Variants in TTC28 observed in about 807,000 individuals in gnomAD.
TTC28 encodes the protein tetratricopeptide repeat protein 28.
Under a neutral mutation model 198.0 loss-of-function variants are expected in TTC28, and 61 were observed. The observed-to-expected ratio is 0.31, with a 90% CI of 0.25 to 0.38. The LOEUF is 0.38. TTC28 is among the 10% of genes least tolerant of loss of function. The pLI is 1.00. For missense variants in TTC28, 2,678 were observed against 3,164.0 expected (o/e 0.85, Z 3.69); for synonymous variants, 1,171 against 1,297.8 (o/e 0.90, Z 2.10).
intron 12 of TTC28, among the ~76,000 whole-genome samples, chr22:28,062,539 A>T (rs1306561534): frequency 6.7e-6 from 1 of 149,660 alleles, no homozygotes; most frequent in Non-Finnish European, 1.5e-5. Flanking sequence ...ATGCCATCGT[A>T]GCTCACTGTA....
At chr22:28,363,862 A>T (rs937018287) in intron 2 of TTC28, among the ~76,000 whole-genome samples, 18 of 152,174 alleles carry the variant, frequency 1.2e-4, no homozygotes, top group African/African-American at 4.3e-4. Context: ...GAATGGCTGT[A>T]TTTTACCCAA....
intron 2 of TTC28, among the ~76,000 whole-genome samples, chr22:28,594,762 T>A (rs1372758607): frequency 6.6e-6 from 1 of 152,144 alleles, no homozygotes; most frequent in Non-Finnish European, 1.5e-5. Flanking sequence ...AATAGAATTC[T>A]ATAGGAAAAG....
At chr22:28,243,174 C>CCAAAAAAAAAAAAAAAAAA (rs1929790850) in intron 5 of TTC28, among the ~76,000 whole-genome samples, 1 of 68,320 alleles carries the variant, frequency 1.5e-5, no homozygotes, top group Non-Finnish European at 2.6e-5. Flanking sequence ...CCCCTCTCTA[C>CCAAAAAAAAAAAAAAAAAA]AAAAAAAAAA....
At chr22:28,122,103 A>G (rs781053011) in intron 6 of TTC28, among the ~76,000 whole-genome samples, 4 of 152,164 alleles carry the variant, frequency 2.6e-5, no homozygotes, top group Non-Finnish European at 5.9e-5. Context: ...CCTGACCTCA[A>G]GTGATCCGCC....
At chr22:28,081,016 G>A (rs1569126118) in intron 12 of TTC28, among the ~76,000 whole-genome samples, 1 of 151,612 alleles carries the variant, frequency 6.6e-6, no homozygotes, top group Non-Finnish European at 1.5e-5. Context: ...TTTATTTCTG[G>A]GCTATTTATT....
intron 2 of TTC28, among the ~76,000 whole-genome samples, chr22:28,430,127 G>A (rs1157913233): frequency 6.8e-6 from 1 of 146,314 alleles, no homozygotes; most frequent in Non-Finnish European, 1.5e-5. Flanking sequence ...CAGATGTAGT[G>A]AAAAGCTGTA....
At chr22:28,600,525 T>G (rs959417649) in intron 2 of TTC28, among the ~76,000 whole-genome samples, 4 of 152,332 alleles carry the variant, frequency 2.6e-5, no homozygotes, top group Admixed American at 2.0e-4. Context: ...AGCTGAACAC[T>G]TAACATTCTT....
At chr22:28,471,190 C>G (rs2048092583) in intron 2 of TTC28, among the ~76,000 whole-genome samples, 1 of 152,142 alleles carries the variant, frequency 6.6e-6, no homozygotes, top group African/African-American at 2.4e-5. Context: ...TAACAGTATG[C>G]AGAACAACTC....
At position 28,062,613 on chromosome 22, in the gene TTC28, C is replaced by T. The variant is rs140932315; in HGVS notation, c.3932+31467G>A. Among the ~76,000 whole-genome samples, 207 of 152,004 alleles carry T rather than the reference C, an allele frequency of 1.4e-3. 1 individual carries two copies. In the East Asian group the frequency reaches 0.017, roughly 13 times the overall value. On this transcript the variant is annotated intron_variant, in intron 12 of 22. Coordinates refer to ENST00000397906, the MANE Select transcript of TTC28 (RefSeq NM_001145418.2). The stretch of plus-strand genomic sequence containing the variant: ...CCTCCCAAGAAGCTGAGAATGCAGA[C>T]GCAAGCCACTGTACTTGGCCCGAGA...
At chr22:28,057,761 T>A (rs1284712207) in intron 12 of TTC28, among the ~76,000 whole-genome samples, 1 of 152,176 alleles carries the variant, frequency 6.6e-6, no homozygotes, top group African/African-American at 2.4e-5. Context: ...CATCTTGAAT[T>A]GATTTTTGTG....
intron 12 of TTC28, among the ~76,000 whole-genome samples, chr22:28,043,750 G>C (rs919987562): frequency 6.6e-6 from 1 of 152,106 alleles, no homozygotes; most frequent in African/African-American, 2.4e-5. Flanking sequence ...GGAGAGGATG[G>C]GCAGGGCGGA....
intron 9 of TTC28, among the ~76,000 whole-genome samples, chr22:28,100,237 G>A (rs375291135): frequency 2.0e-5 from 3 of 152,136 alleles, no homozygotes; most frequent in South Asian, 2.1e-4. Flanking sequence ...ACATAGACCC[G>A]GAGAGCGCTA....
intron 2 of TTC28, among the ~76,000 whole-genome samples, chr22:28,577,146 C>T (rs1365693780): frequency 6.6e-6 from 1 of 151,936 alleles, no homozygotes. Flanking sequence ...TTGCTGTATC[C>T]CAGAGACAAT....
intron 2 of TTC28, among the ~76,000 whole-genome samples, chr22:28,547,720 A>G (rs2049575052): frequency 6.6e-6 from 1 of 151,922 alleles, no homozygotes; most frequent in Non-Finnish European, 1.5e-5. Context: ...TAATGATATG[A>G]TGCAATATTC....
chr22:28,407,497 G>A (rs1334824950), intron 2 of TTC28, among the ~76,000 whole-genome samples: 1 of 146,622 alleles, frequency 6.8e-6, no homozygotes. Context: ...CACACACACA[G>A]TAATGCCTTA....
intron 8 of TTC28, among the ~76,000 whole-genome samples, chr22:28,101,782 TAAAAAAAAA>T (rs11459818): frequency 1.7e-4 from 9 of 53,128 alleles, no homozygotes; most frequent in Middle Eastern, 0.018. Context: ...CCATCTCTGT[TAAAAAAAAA>T]AAAAAAAAAA....
intron 2 of TTC28, among the ~76,000 whole-genome samples, chr22:28,530,286 G>A (rs1340792636): frequency 2.0e-5 from 3 of 152,232 alleles, no homozygotes; most frequent in Non-Finnish European, 2.9e-5. Flanking sequence ...CAGCCGATTC[G>A]ATCAAGTGGA....
chr22:28,675,707 C>T (rs1447087016), intron 1 of TTC28, among the ~76,000 whole-genome samples: 3 of 149,846 alleles, frequency 2.0e-5, no homozygotes, highest in Non-Finnish European at 4.4e-5. Context: ...CCACTGTACT[C>T]CAGCCTGGGC....
chr22:28,625,300 T>G (rs1467189661), intron 2 of TTC28, among the ~76,000 whole-genome samples: 1 of 152,192 alleles, frequency 6.6e-6, no homozygotes, highest in Non-Finnish European at 1.5e-5. Context: ...CATTACCATG[T>G]GCATAGAAAA....
Sources: gnomAD v4.1 joint callset for allele counts (sites outside exome capture counted in the v4.1 genomes callset) on GRCh38, gnomAD v4.1.1 for gene constraint, MANE v1.5 for transcripts, NCBI Gene and HGNC (gene_info 2026-07-23, HGNC 2026-07-21) for gene names.